The following VEZT variants were observed in gnomAD, a reference collection of about 807,000 sequenced individuals.
The protein encoded by VEZT is vezatin, adherens junctions transmembrane protein.
Under a neutral mutation model 79.9 loss-of-function variants are expected in VEZT, and 39 were observed. The observed-to-expected ratio is 0.49, with a 90% CI of 0.38 to 0.64. The LOEUF is 0.64. VEZT is among the 30% of genes least tolerant of loss of function. The probability of loss-of-function intolerance (pLI) is 0.00; values close to 1 mark genes in which losing one functional copy is unlikely to be tolerated. For synonymous variants in VEZT, 325 were observed against 327.6 expected (o/e 0.99, Z 0.09); for missense variants, 837 against 893.1 (o/e 0.94, Z 0.80).
In VEZT at chr12:95,282,615, G is replaced by A; in HGVS notation, c.1299G>A (p.Leu433=). The A allele has an allele frequency of 6.2e-7, 1 of 1,607,506 alleles. No homozygotes were observed. Among genetic ancestry groups the A allele is most frequent in the Non-Finnish European group, 8.5e-7 (1 of 1,175,528 alleles). ...ATGTTCACACAGCAGTGCGTAGCTT[G>A]CAGCTCCATCTGAAAGCATTACTGA... is the stretch of plus-strand genomic sequence containing the variant. The part of the protein sequence containing the change: ...LNNVHTAVRS[L]QLHLKALLNE... Residue 433 remains leucine, a synonymous_variant, in exon 8 of 12, where the codon TTG becomes TTA. Coordinates refer to ENST00000436874, the MANE Select transcript of VEZT (RefSeq NM_017599.4).
rs1476095412 is a variant in VEZT at position 95,217,862 on chromosome 12, G to A, written c.12G>A (p.Glu4=). ...CATGGCGGAGAAGGATGACACCGGA[G>A]TTTGACGAAGAGGTGGTTTTTGAGG... MTP[E]FDEEVVFENS... The change falls in exon 1 of 12, where the codon GAG becomes GAA. Residue 4 remains glutamate, a synonymous_variant. Transcript: ENST00000436874. 23 of 1,533,122 alleles carry A rather than the reference G, an allele frequency of 1.5e-5. No homozygotes were observed. The highest frequency in any genetic ancestry group is 2.0e-5 in the Non-Finnish European group (23 of 1,145,792). 95.0% of individuals were successfully genotyped at this position (1,533,122 alleles called of 1,614,324 possible).
intron 1 of VEZT, among the ~76,000 whole-genome samples, chr12:95,226,353 T>C (rs182432632): frequency 3.9e-5 from 6 of 152,106 alleles, no homozygotes; most frequent in Non-Finnish European, 7.4e-5. Flanking sequence ...TTACCATATC[T>C]ATCTTAGGGC....
At chr12:95,294,201 A>T in intron 9 of VEZT, 71 bp from the exon 10 acceptor site, 1 of 1,326,594 alleles carries the variant, frequency 7.5e-7, no homozygotes, top group Non-Finnish European at 1.1e-6. Flanking sequence ...GGGTGTTTTT[A>T]ATTAGATGTT....
chr12:95,240,070 AAGG>A (rs58612394), intron 1 of VEZT, among the ~76,000 whole-genome samples: 10,937 of 83,530 alleles, frequency 0.13, 764 homozygotes, highest in East Asian at 0.16. Flanking sequence ...GGAAGGAAGG[AAGG>A]AAGAAAAGAA....
chr12:95,292,417 C>A (rs1307871662), intron 9 of VEZT, among the ~76,000 whole-genome samples: 2 of 152,006 alleles, frequency 1.3e-5, no homozygotes, highest in East Asian at 3.8e-4. Context: ...GTAATGAAAT[C>A]TGTGTTCTGC....
At chr12:95,267,275 A>T (rs749819668) in intron 5 of VEZT, among the ~76,000 whole-genome samples, 1 of 152,250 alleles carries the variant, frequency 6.6e-6, no homozygotes, top group South Asian at 2.1e-4. Flanking sequence ...TCACTTTTGC[A>T]TACAACTAAA....
chr12:95,288,002 A>G, intron 9 of VEZT, 145 bp downstream of exon 9: 6 of 627,480 alleles, frequency 9.6e-6, no homozygotes, highest in Middle Eastern at 4.5e-4. Context: ...TTGAATTTAT[A>G]TGTACAAAGT....
At position 95,266,624 on chromosome 12, in the gene VEZT, A is replaced by T. The variant is rs1336381186; in HGVS notation, c.702A>T (p.Gly234=). 6.3e-7 allele frequency: 1 copy of T among 1,597,472 alleles called. No individual in the cohort carries two copies. Among genetic ancestry groups the T allele is most frequent in the Admixed American group, 1.7e-5 (1 of 58,276 alleles). The part of the protein sequence containing the change: ...LIQETEVISR[G]FTLVSAACPF... ...AAGAAACCGAAGTGATTTCCAGAGG[A>T]TTTACACTGTGAGTTCATTTTTTAT... is the stretch of plus-strand genomic sequence containing the variant. The change falls in exon 5 of 12, where the codon GGA becomes GGT. Residue 234 remains glycine, a synonymous_variant. Transcript: ENST00000436874.
chr12:95,270,035 C>G lies in VEZT; in HGVS notation c.711-16C>G. The G allele has an allele frequency of 1.2e-6, 2 of 1,606,212 alleles. 1 individual carries two copies. Among genetic ancestry groups the G allele is most frequent in the South Asian group, 2.2e-5 (2 of 89,330 alleles). On this transcript the variant is annotated splice_polypyrimidine_tract_variant and intron_variant, in intron 5 of 11. Transcript: ENST00000436874. ...TACAGTTGTATCACATTTTACTTTTCAAGTTTGCTTGACAGGGTCAGTGCT... is the reference window on the plus strand; with the variant it reads ...TACAGTTGTATCACATTTTACTTTTGAAGTTTGCTTGACAGGGTCAGTGCT...
intron 1 of VEZT, among the ~76,000 whole-genome samples, chr12:95,234,578 A>T (rs1379705013): frequency 6.6e-6 from 1 of 152,274 alleles, no homozygotes; most frequent in East Asian, 1.9e-4. Flanking sequence ...TACAGACATG[A>T]GCCACCGCGC....
At chr12:95,250,087 T>G (rs2062304661) in intron 1 of VEZT, among the ~76,000 whole-genome samples, 1 of 150,470 alleles carries the variant, frequency 6.6e-6, no homozygotes, top group Admixed American at 6.6e-5. Flanking sequence ...TATTATACTT[T>G]AAGTTTTAGG....
At chr12:95,231,095 T>C (rs1284123218) in intron 1 of VEZT, among the ~76,000 whole-genome samples, 3 of 152,260 alleles carry the variant, frequency 2.0e-5, no homozygotes, top group Non-Finnish European at 4.4e-5. Context: ...TAAAAATGTT[T>C]GCTATTTATT....
At chr12:95,286,432 A>G (rs898732296) in intron 8 of VEZT, 2 of 536,444 alleles carry the variant, frequency 3.7e-6, no homozygotes, top group African/African-American at 3.9e-5. Flanking sequence ...CTTCCATTTC[A>G]TGAGCAACAT....
intron 7 of VEZT, among the ~76,000 whole-genome samples, chr12:95,277,344 C>G (rs1012930394): frequency 1.3e-5 from 2 of 152,042 alleles, no homozygotes; most frequent in Non-Finnish European, 1.5e-5. Context: ...ACATGGTGAA[C>G]CATTGTGTAG....
intron 1 of VEZT, among the ~76,000 whole-genome samples, chr12:95,244,761 G>A (rs2061501851): frequency 6.9e-6 from 1 of 145,510 alleles, no homozygotes; most frequent in South Asian, 2.2e-4. Context: ...AAGAAATTTG[G>A]TAATTTTTTT....
chr12:95,288,338 A>G (rs2071541531), intron 9 of VEZT, among the ~76,000 whole-genome samples: 1 of 152,206 alleles, frequency 6.6e-6, no homozygotes. Flanking sequence ...ATTATTTAAT[A>G]ATATATCAGA....
At chr12:95,286,274 G>A in intron 8 of VEZT, 1 of 341,558 alleles carries the variant, frequency 2.9e-6, no homozygotes, top group Non-Finnish European at 5.6e-6. Flanking sequence ...TTACAGGTGT[G>A]AGCCACCGTG....
intron 1 of VEZT, among the ~76,000 whole-genome samples, chr12:95,223,891 G>T (rs1473023106): frequency 1.3e-5 from 2 of 151,318 alleles, no homozygotes; most frequent in Non-Finnish European, 2.9e-5. Context: ...TTTTTGTTCT[G>T]TTTTTTTTAG....
intron 9 of VEZT, among the ~76,000 whole-genome samples, chr12:95,292,628 A>G (rs2073175720): frequency 6.7e-6 from 1 of 150,320 alleles, no homozygotes; most frequent in Non-Finnish European, 1.5e-5. Flanking sequence ...GCCTCACTGC[A>G]ACCTCCGCCT....
Sources: allele counts gnomAD v4.1 joint callset (sites outside exome capture counted in the v4.1 genomes callset), GRCh38; gene constraint gnomAD v4.1.1; transcripts MANE v1.5; gene names NCBI Gene and HGNC (gene_info 2026-07-23, HGNC 2026-07-21).